Variants in FGFR1 observed in about 807,000 individuals in gnomAD.
FGFR1 encodes the protein FGFR1/PLAG1 fusion.
Under a neutral mutation model 93.7 loss-of-function variants are expected in FGFR1, and 18 were observed. That is an observed-to-expected ratio of 0.19 (90% confidence interval 0.13 to 0.28). FGFR1 has a LOEUF of 0.28. FGFR1 is among the 10% of genes least tolerant of loss of function. The pLI, the probability that FGFR1 is intolerant of heterozygous loss-of-function variation, is 1.00. For synonymous variants in FGFR1, 448 were observed against 429.3 expected, an observed-to-expected ratio of 1.04 and a Z score of -0.54; for missense variants, 731 against 1,080.4, an observed-to-expected ratio of 0.68 and a Z score of 4.53.
chr8:38,432,628 A>G (rs1401311656), intron 2 of FGFR1, among the ~76,000 whole-genome samples: 1 of 152,010 alleles, frequency 6.6e-6, no homozygotes, highest in Non-Finnish European at 1.5e-5. Flanking sequence ...GCTGGTCTAA[A>G]GCTCCTGACC....
intron 2 of FGFR1, among the ~76,000 whole-genome samples, chr8:38,447,920 A>G (rs1243368931): frequency 6.6e-6 from 1 of 152,262 alleles, no homozygotes; most frequent in African/African-American, 2.4e-5. Flanking sequence ...TTTTATTTGT[A>G]AGAATATGTT....
At chr8:38,457,948 A>T (rs1312022828) in intron 1 of FGFR1, among the ~76,000 whole-genome samples, 1 of 152,156 alleles carries the variant, frequency 6.6e-6, no homozygotes, top group African/African-American at 2.4e-5. Context: ...GCACCACTGC[A>T]CTCCAACCTG....
At chr8:38,461,069 C>T (rs1796941629) in intron 1 of FGFR1, 1 of 1,536,026 alleles carries the variant, frequency 6.5e-7, no homozygotes, top group Non-Finnish European at 8.7e-7. Context: ...CAGTTTCCCA[C>T]TCATCAGAGG....
intron 11 of FGFR1, 74 bp downstream of exon 11, chr8:38,417,795 TC>T: frequency 6.2e-7 from 1 of 1,611,074 alleles, no homozygotes; most frequent in Non-Finnish European, 8.5e-7. Flanking sequence ...GAGAAGCTGT[TC>T]TGCTGGGCCC....
Position 38,426,055 on chromosome 8 carries a change from CG to C in FGFR1, c.745+66del, listed in dbSNP as rs1820650507. The C allele has an allele frequency of 7.5e-6, 12 of 1,610,184 alleles. No individual in the cohort carries two copies. In the Admixed American group the frequency reaches 1.8e-4, roughly 25 times the overall value. ...CTGCCCCTAAGAAACCTGGACACCCCGGCTGTGTTCTCCAAGCCTGGCTCTT... is the reference window on the plus strand; with the variant it reads ...CTGCCCCTAAGAAACCTGGACACCCCGCTGTGTTCTCCAAGCCTGGCTCTT... On this transcript the variant is annotated intron_variant, in intron 6 of 17. Coordinates refer to ENST00000447712, the MANE Select transcript of FGFR1 (RefSeq NM_023110.3). The surrounding 1 kb of genome is among the most constrained non-coding windows in gnomAD (Gnocchi z 4.1).
At chr8:38,427,850 T>C (rs1821341919) in intron 5 of FGFR1, 71 bp downstream of exon 5, 2 of 1,545,836 alleles carry the variant, frequency 1.3e-6, no homozygotes, top group Non-Finnish European at 1.8e-6. Flanking sequence ...ATGAAAAGCA[T>C]GTAATCAGGA....
chr8:38,434,193 T>A (rs1233060207), intron 2 of FGFR1, among the ~76,000 whole-genome samples: 4 of 152,194 alleles, frequency 2.6e-5, no homozygotes, highest in Non-Finnish European at 2.9e-5. Flanking sequence ...CTTTCTTTTT[T>A]AAAAAATAAG....
intron 1 of FGFR1, among the ~76,000 whole-genome samples, chr8:38,461,927 CAGA>C (rs758832201): frequency 1.3e-5 from 2 of 152,300 alleles, no homozygotes; most frequent in Non-Finnish European, 2.9e-5. Flanking sequence ...TAATTGGCAG[CAGA>C]AGGACAGGAA....
chr8:38,422,743 T>G, intron 7 of FGFR1: 1 of 400,326 alleles, frequency 2.5e-6, no homozygotes, highest in Non-Finnish European at 4.5e-6. Context: ...ACAACTTCAG[T>G]CTGAAGTACC....
chr8:38,437,944 A>G (rs553314841), intron 2 of FGFR1, among the ~76,000 whole-genome samples: 2 of 152,350 alleles, frequency 1.3e-5, no homozygotes, highest in African/African-American at 2.4e-5. Flanking sequence ...CCCAGTGAAG[A>G]ATAACAACAC....
rs1194922931 is a variant in FGFR1, at chr8:38,468,224, T to A, written c.-332A>T. Reference sequence around the variant, plus strand: ...AGGCGGGGCGGGGGGAGGGCTCCCGTCCGCCACCCGGGGTCTCCAGACCTT... The same window carrying A: ...AGGCGGGGCGGGGGGAGGGCTCCCGACCGCCACCCGGGGTCTCCAGACCTT... On this transcript the variant is annotated 5_prime_UTR_variant, in exon 1 of 18. Transcript: ENST00000447712. 2 of 228,224 alleles carry A rather than the reference T, an allele frequency of 8.8e-6. No individual in the cohort carries two copies. Among genetic ancestry groups the A allele is most frequent in the Non-Finnish European group, 1.7e-5 (2 of 114,794 alleles). The allele number at this position is 228,224 out of a possible 1,614,324, so 14.1% of individuals were successfully genotyped here.
chr8:38,414,116 C>G (rs375735791), intron 16 of FGFR1, 36 bp downstream of exon 16: 2 of 1,614,066 alleles, frequency 1.2e-6, no homozygotes, highest in African/African-American at 2.7e-5. Flanking sequence ...TGCCCCAAGG[C>G]CTGGCTCAGG....
intron 2 of FGFR1, among the ~76,000 whole-genome samples, chr8:38,453,894 A>G (rs1831888720): frequency 6.6e-6 from 1 of 152,022 alleles, no homozygotes; most frequent in Non-Finnish European, 1.5e-5. Flanking sequence ...TCTGTCTCTT[A>G]AAACCAACCA....
chr8:38,467,119 C>T (rs1402264843), intron 1 of FGFR1, among the ~76,000 whole-genome samples: 1 of 152,012 alleles, frequency 6.6e-6, no homozygotes, highest in East Asian at 1.9e-4. Context: ...CGGACAAAAA[C>T]CCTCATCCCT....
chr8:38,426,231 G>C lies in FGFR1; in HGVS notation c.636C>G (p.Thr212=), dbSNP rs753704100. 1 of 1,614,180 alleles carries C rather than the reference G, an allele frequency of 6.2e-7. No individual in the cohort carries two copies. The highest frequency in any genetic ancestry group is 8.5e-7 in the Non-Finnish European group (1 of 1,180,042). The change falls in exon 6 of 18, where the codon ACC becomes ACG. Residue 212 remains threonine, a synonymous_variant. Coordinates refer to ENST00000447712, the MANE Select transcript of FGFR1 (RefSeq NM_023110.3). This position sits in a 1 kb window ranked among gnomAD's most constrained non-coding sequence, Gnocchi z 4.1. ...CCACAGAGTCCATTATGATGCTCCAGGTGGCATAACGGACCTGAGGGGAAA... is the reference window on the plus strand; with the variant it reads ...CCACAGAGTCCATTATGATGCTCCACGTGGCATAACGGACCTGAGGGGAAA... The part of the protein sequence containing the change: ...RIGGYKVRYA[T]WSIIMDSVVP...
rs373396152 is a variant in FGFR1 at position 38,443,442 on chromosome 8, T to C, written c.92-13494A>G. ...CGGGAGGCTGAGGTGAGAGGATTGT[T>C]TGAGTCCAGGGGTTAGAGATCAGCC... On this transcript the variant is annotated intron_variant, in intron 2 of 17. Coordinates refer to ENST00000447712, the MANE Select transcript of FGFR1 (RefSeq NM_023110.3). Among the ~76,000 whole-genome samples the C allele has an allele frequency of 2.9e-4, 44 of 151,680 alleles. No homozygotes were observed. The South Asian group carries it at 9.0e-3, about 31-fold the overall frequency.
At chr8:38,428,211 G>T in intron 4 of FGFR1, 118 bp from the exon 5 acceptor site, 1 of 1,485,418 alleles carries the variant, frequency 6.7e-7, no homozygotes, top group Non-Finnish European at 9.4e-7. Context: ...ACACCTGTGA[G>T]CAGTGCCTGG....
intron 2 of FGFR1, among the ~76,000 whole-genome samples, chr8:38,431,187 G>A (rs1454287229): frequency 1.3e-5 from 2 of 152,158 alleles, no homozygotes; most frequent in Non-Finnish European, 2.9e-5. Context: ...TGTGGCTCAC[G>A]GCTGCCCCAG....
At chr8:38,447,516 CTGTCGCCCAGGATGGAGTGCAG>C (rs1456688307) in intron 2 of FGFR1, among the ~76,000 whole-genome samples, 2 of 152,248 alleles carry the variant, frequency 1.3e-5, no homozygotes, top group East Asian at 3.9e-4. Context: ...GAGCGTTGCT[CTGTCGCCCAGGATGGAGTGCAG>C]TGGTGCAATC....
Sources: allele counts gnomAD v4.1 joint callset (sites outside exome capture counted in the v4.1 genomes callset), GRCh38; gene constraint gnomAD v4.1.1; non-coding constraint Gnocchi (gnomAD v3.1); transcripts MANE v1.5; gene names NCBI Gene and HGNC (gene_info 2026-07-23, HGNC 2026-07-21).